The following DCP2 variants were observed in gnomAD, a reference collection of about 807,000 sequenced individuals.
DCP2 encodes the protein decapping mRNA 2.
A neutral mutation model predicts 56.1 loss-of-function variants in DCP2; 30 were observed. The ratio of observed to expected loss-of-function variants is 0.53; its 90% CI spans 0.40 to 0.73. The LOEUF is 0.73. Ranked by LOEUF, DCP2 falls within the 30% of genes least tolerant of loss-of-function variation. DCP2 has a pLI of 0.00. For synonymous variants in DCP2, 197 were observed against 163.3 expected, an observed-to-expected ratio of 1.21 and a Z score of -1.57; for missense variants, 533 against 502.7, an observed-to-expected ratio of 1.06 and a Z score of -0.58.
At chr5:112,998,468 A>T (rs773010618) in intron 4 of DCP2, among the ~76,000 whole-genome samples, 1 of 152,194 alleles carries the variant, frequency 6.6e-6, no homozygotes, top group Non-Finnish European at 1.5e-5. Context: ...CATAATACTT[A>T]TATCATATTA....
intron 8 of DCP2, among the ~76,000 whole-genome samples, chr5:113,007,545 C>T (rs1457313422): frequency 6.6e-6 from 1 of 151,998 alleles, no homozygotes; most frequent in Admixed American, 6.6e-5. Context: ...GGACTATAGG[C>T]GTGTGCCACC....
intron 2 of DCP2, among the ~76,000 whole-genome samples, chr5:112,988,531 T>TTTA (rs1216809744): frequency 1.4e-5 from 2 of 146,990 alleles, no homozygotes; most frequent in East Asian, 3.9e-4. Flanking sequence ...GTATCCAAGA[T>TTTA]TTATTGGTTG....
intron 3 of DCP2, 36 bp from the exon 4 acceptor site, chr5:112,992,636 G>C (rs768389320): frequency 1.4e-6 from 2 of 1,441,826 alleles, no homozygotes; most frequent in East Asian, 2.3e-5. Flanking sequence ...TGGAAAAGGA[G>C]GGCAAGTTTG....
Position 113,013,980 on chromosome 5 carries a change from T to A in DCP2, c.*496T>A, listed in dbSNP as rs72801295. The A allele has an allele frequency of 0.02, 3,113 of 152,758 alleles. 41 individuals carry two copies. The highest frequency in any genetic ancestry group is 0.038 in the South Asian group (186 of 4,840). The allele number at this position is 152,758 out of a possible 1,614,324, so 9.5% of individuals were successfully genotyped here. ...TTTGGTGGCATTTTGTACTTCTCTC[T>A]GCTTCTAACCACTGAGGCTCTCTAA... On this transcript the variant is annotated 3_prime_UTR_variant, in exon 11 of 11. Coordinates refer to ENST00000389063, the MANE Select transcript of DCP2 (RefSeq NM_152624.6).
rs1010411996 is a variant in DCP2, at chr5:113,017,064, T to C, written c.*3580T>C. 2.0e-5 allele frequency: 3 copies of C among 152,126 alleles called. No homozygotes were observed. The highest frequency in any genetic ancestry group is 4.4e-5 in the Non-Finnish European group (3 of 67,998). 9.4% of individuals were successfully genotyped at this position (152,126 alleles called of 1,614,324 possible). A position where few individuals can be genotyped will look rare whatever the true frequency, so the allele number is the denominator to read the frequency against. On this transcript the variant is annotated 3_prime_UTR_variant, in exon 11 of 11. Transcript: ENST00000389063. Reference sequence around the variant, plus strand: ...CCATGTTGGTCAGGGTGGTCTCTCTTGGCTTTTTATCTTTATTTTTGTACC... The same window carrying C: ...CCATGTTGGTCAGGGTGGTCTCTCTCGGCTTTTTATCTTTATTTTTGTACC...
At position 112,992,656 on chromosome 5, in the gene DCP2, T is replaced by G. The variant is rs538661778; in HGVS notation, c.334-16T>G. 2.6e-6 allele frequency: 4 copies of G among 1,550,258 alleles called. No homozygotes were observed. The African/African-American group carries it at 5.6e-5, about 22-fold the overall frequency. ...AAGGAGGGCAAGTTTGATTTTTACT[T>G]CTGCTTGTTTTGTAGGTACTACTAG... On this transcript the variant is annotated splice_polypyrimidine_tract_variant and intron_variant, in intron 3 of 10. Coordinates refer to ENST00000389063, the MANE Select transcript of DCP2 (RefSeq NM_152624.6).
At chr5:112,978,269 C>T (rs1294283382) in intron 1 of DCP2, among the ~76,000 whole-genome samples, 4 of 152,162 alleles carry the variant, frequency 2.6e-5, no homozygotes, top group African/African-American at 9.7e-5. Flanking sequence ...GCCATCGCGC[C>T]CGGCCTGGAG....
chr5:113,010,576 G>T (rs1454557042), intron 9 of DCP2, among the ~76,000 whole-genome samples, 180 bp from the exon 10 acceptor site: 1 of 152,080 alleles, frequency 6.6e-6, no homozygotes, highest in Admixed American at 6.6e-5. Flanking sequence ...AAAATTTTAG[G>T]TGTGAAAAGT....
chr5:112,976,906 T>G lies in DCP2; in HGVS notation c.-28T>G, dbSNP rs1432080431. 21 of 1,613,536 alleles carry G rather than the reference T, an allele frequency of 1.3e-5. No individual in the cohort carries two copies. Among genetic ancestry groups the G allele is most frequent in the Non-Finnish European group, 1.7e-5 (20 of 1,179,414 alleles). On this transcript the variant is annotated 5_prime_UTR_variant, in exon 1 of 11. An upstream start codon of the reference 5' UTR is lost. Transcript: ENST00000389063. ...AGTCCCCGGCCGCGCGGAGCCGGGATGCACTGTTCCTGCTGTGGGTCCTCA... is the reference window on the plus strand; with the variant it reads ...AGTCCCCGGCCGCGCGGAGCCGGGAGGCACTGTTCCTGCTGTGGGTCCTCA...
Position 112,988,494 on chromosome 5 carries a change from TAAAAAA to T in DCP2, c.205+2527_205+2532del, listed in dbSNP as rs368124032. On this transcript the variant is annotated intron_variant, in intron 2 of 10. Transcript: ENST00000389063. ...GTGACACAGCGAGACTGTGTCTTAA[TAAAAAA>T]AAAAAAAAAAAAAAAAAATGGTATC... Among the ~76,000 whole-genome samples, 143 of 82,436 alleles carry T rather than the reference TAAAAAA, an allele frequency of 1.7e-3. 1 individual carries two copies. The East Asian group carries it at 0.047, about 27-fold the overall frequency. The allele number at this position is 82,436 out of a possible 152,430, so 54.1% of individuals were successfully genotyped here. A position where few individuals can be genotyped will look rare whatever the true frequency, so the allele number is the denominator to read the frequency against.
intron 1 of DCP2, among the ~76,000 whole-genome samples, chr5:112,980,967 A>G (rs1747977408): frequency 6.6e-6 from 1 of 151,454 alleles, no homozygotes; most frequent in South Asian, 2.1e-4. Flanking sequence ...CCCCCATCTT[A>G]CTTCCAGTAT....
In DCP2 at chr5:113,013,504, A is replaced by G; in HGVS notation, c.*20A>G. ...CTTTGATAGCAGCACATGTATTGTAAATGTCCCAGGATCAGAGACCTGTTG... is the reference window on the plus strand; with the variant it reads ...CTTTGATAGCAGCACATGTATTGTAGATGTCCCAGGATCAGAGACCTGTTG... On this transcript the variant is annotated 3_prime_UTR_variant, in exon 11 of 11. Coordinates refer to ENST00000389063, the MANE Select transcript of DCP2 (RefSeq NM_152624.6). The G allele has an allele frequency of 6.2e-7, 1 of 1,612,916 alleles. No homozygotes were observed.
intron 8 of DCP2, among the ~76,000 whole-genome samples, chr5:113,006,804 A>G (rs879861324): frequency 1.3e-5 from 2 of 152,198 alleles, no homozygotes; most frequent in African/African-American, 2.4e-5. Context: ...AAACTATTGC[A>G]TGTCTAAGTT....
At chr5:112,995,988 T>A (rs1305633545) in intron 4 of DCP2, among the ~76,000 whole-genome samples, 1 of 152,202 alleles carries the variant, frequency 6.6e-6, no homozygotes. Context: ...CTTCCTCTTG[T>A]AAAAATGGCA....
intron 1 of DCP2, chr5:112,984,722 A>ATT (rs1748187445): frequency 3.0e-5 from 4 of 134,320 alleles, no homozygotes; most frequent in African/African-American, 1.2e-4. Context: ...ATATATATAT[A>ATT]TATTTGAGAC....
rs1403648504 is a variant in DCP2 at position 113,020,725 on chromosome 5, C to G, written c.*7241C>G. 6.6e-6 allele frequency: 1 copy of G among 152,156 alleles called. No individual in the cohort carries two copies. Among genetic ancestry groups the G allele is most frequent in the Non-Finnish European group, 1.5e-5 (1 of 68,024 alleles). The allele number at this position is 152,156 out of a possible 1,614,324, so 9.4% of individuals were successfully genotyped here. A position where few individuals can be genotyped will look rare whatever the true frequency, so the allele number is the denominator to read the frequency against. ...AAGACCCACTAGAATGTCAGCTGTACTCTGTACTCTCCACTGAGAAAATGA... is the reference window on the plus strand; with the variant it reads ...AAGACCCACTAGAATGTCAGCTGTAGTCTGTACTCTCCACTGAGAAAATGA... On this transcript the variant is annotated 3_prime_UTR_variant, in exon 11 of 11. Coordinates refer to ENST00000389063, the MANE Select transcript of DCP2 (RefSeq NM_152624.6).
intron 10 of DCP2, among the ~76,000 whole-genome samples, chr5:113,011,336 G>C (rs1236434594): frequency 6.6e-6 from 1 of 152,196 alleles, no homozygotes; most frequent in African/African-American, 2.4e-5. Context: ...AAAGATACTT[G>C]CAATTTCTCC....
intron 2 of DCP2, among the ~76,000 whole-genome samples, chr5:112,988,536 T>TGGTTGGTC (rs1748420680): frequency 6.7e-6 from 1 of 149,704 alleles, no homozygotes; most frequent in Admixed American, 6.7e-5. Context: ...CAAGATTTAT[T>TGGTTGGTC]GGTTGGTCTG....
At chr5:112,993,374 C>G (rs924202072) in intron 4 of DCP2, among the ~76,000 whole-genome samples, 7 of 152,112 alleles carry the variant, frequency 4.6e-5, no homozygotes, top group Admixed American at 4.6e-4. Context: ...GTGGCTCACG[C>G]CTGAATATGG....
Sources: allele counts gnomAD v4.1 joint callset (sites outside exome capture counted in the v4.1 genomes callset), GRCh38; gene constraint gnomAD v4.1.1; transcripts MANE v1.5; gene names NCBI Gene and HGNC (gene_info 2026-07-23, HGNC 2026-07-21).